CREB5: variants seen among roughly 807,000 people sequenced by gnomAD.
CREB5 encodes the protein cyclic AMP-responsive element-binding protein 5.
Under a neutral mutation model 57.1 loss-of-function variants are expected in CREB5, and 19 were observed. The observed-to-expected ratio is 0.33, with a 90% CI of 0.23 to 0.49. The LOEUF (loss-of-function observed/expected upper bound fraction) is 0.49. CREB5 is among the 20% of genes least tolerant of loss of function. The pLI, the probability that CREB5 is intolerant of heterozygous loss-of-function variation, is 0.99. For synonymous variants in CREB5, 238 were observed against 238.3 expected (o/e 1.00, Z 0.01); for missense variants, 579 against 671.6 (o/e 0.86, Z 1.52).
chr7:28,406,264 A>T (rs965568620), intron 1 of CREB5, among the ~76,000 whole-genome samples: 10 of 152,172 alleles, frequency 6.6e-5, no homozygotes, highest in African/African-American at 2.4e-4. Flanking sequence ...GGAGTTGGTA[A>T]ATACCTAGTG....
At chr7:28,409,637 G>A (rs1296586354), upstream of CREB5, 1 of 275,288 alleles carries the variant, frequency 3.6e-6, no homozygotes, top group Non-Finnish European at 7.2e-6. This position sits in a 1 kb window ranked among gnomAD's most constrained non-coding sequence, Gnocchi z 4.4. Flanking sequence ...ATCTGTGTTT[G>A]TAAACATTTT....
intron 6 of CREB5, 62 bp from the exon 7 acceptor site, chr7:28,724,160 C>T: frequency 7.1e-7 from 1 of 1,408,576 alleles, no homozygotes; most frequent in South Asian, 1.2e-5. Context: ...AAAAGTGCAG[C>T]TTTGTCTAAT....
intron 8 of CREB5, among the ~76,000 whole-genome samples, chr7:28,805,167 CAGACCAAGAGAA>C (rs1479924885): frequency 6.6e-6 from 1 of 152,180 alleles, no homozygotes; most frequent in Non-Finnish European, 1.5e-5. Context: ...TGTAGATGAT[CAGACCAAGAGAA>C]AGGCCAAATC....
intron 5 of CREB5, among the ~76,000 whole-genome samples, chr7:28,678,510 T>C (rs115680545): frequency 0.011 from 1,728 of 152,344 alleles, 31 homozygotes; most frequent in African/African-American, 0.04. Flanking sequence ...AGAGTCACTA[T>C]GATCATTTTA....
chr7:28,721,257 A>C (rs1219545534), intron 6 of CREB5, among the ~76,000 whole-genome samples: 1 of 152,196 alleles, frequency 6.6e-6, no homozygotes, highest in African/African-American at 2.4e-5. Context: ...AACATCCTAC[A>C]ATGCACAAGA....
chr7:28,654,085 A>G (rs1799241872), intron 5 of CREB5, among the ~76,000 whole-genome samples: 2 of 152,106 alleles, frequency 1.3e-5, no homozygotes, highest in Admixed American at 1.3e-4. Context: ...TATACATTAC[A>G]CCTGTGAAGT....
At chr7:28,640,515 T>G (rs1405623300) in intron 5 of CREB5, among the ~76,000 whole-genome samples, 5 of 152,228 alleles carry the variant, frequency 3.3e-5, no homozygotes, top group Non-Finnish European at 5.9e-5. Flanking sequence ...TTCTATCACA[T>G]GACTGCTTGC....
At chr7:28,528,999 C>A (rs1423204523) in intron 4 of CREB5, among the ~76,000 whole-genome samples, 1 of 152,128 alleles carries the variant, frequency 6.6e-6, no homozygotes, top group African/African-American at 2.4e-5. Flanking sequence ...TCCTCATAAC[C>A]AAGGAGACAC....
rs1046228459 is a variant in CREB5 at position 28,819,429 on chromosome 7, G to A, written c.*150G>A. 5 of 749,776 alleles carry A rather than the reference G, an allele frequency of 6.7e-6. No individual in the cohort carries two copies. The highest frequency in any genetic ancestry group is 1.0e-5 in the Non-Finnish European group (5 of 489,964). 46.4% of individuals were successfully genotyped at this position (749,776 alleles called of 1,614,324 possible). ...TTTTTATAGTTATTATGGAAATGTT[G>A]TCTTTTATACTTAGTTATATAAGAA... On this transcript the variant is annotated 3_prime_UTR_variant, in exon 11 of 11. Coordinates refer to ENST00000357727, the MANE Select transcript of CREB5 (RefSeq NM_182898.4).
At chr7:28,816,804 G>A (rs758995361) in intron 9 of CREB5, among the ~76,000 whole-genome samples, 33 of 152,200 alleles carry the variant, frequency 2.2e-4, no homozygotes, top group Admixed American at 7.2e-4. Flanking sequence ...CGTCCTTTTC[G>A]GTGTGCATGC....
chr7:28,548,095 G>A (rs1437402427), intron 4 of CREB5, among the ~76,000 whole-genome samples: 1 of 152,172 alleles, frequency 6.6e-6, no homozygotes, highest in Non-Finnish European at 1.5e-5. Flanking sequence ...GGTAAATTTT[G>A]TGACCAGGTA....
chr7:28,648,074 G>T (rs1345162068), intron 5 of CREB5, among the ~76,000 whole-genome samples: 4 of 152,150 alleles, frequency 2.6e-5, no homozygotes, highest in Non-Finnish European at 5.9e-5. Flanking sequence ...AGTTGGAAGG[G>T]ATATTTGAGA....
upstream of CREB5, chr7:28,410,470 AAGG>A (rs1229392568): frequency 4.4e-6 from 2 of 456,550 alleles, no homozygotes; most frequent in Non-Finnish European, 8.8e-6. Context: ...GGAAGGAACC[AAGG>A]AGATGTTTTC....
At chr7:28,539,738 C>T (rs1054406015) in intron 4 of CREB5, among the ~76,000 whole-genome samples, 2 of 152,130 alleles carry the variant, frequency 1.3e-5, no homozygotes, top group Non-Finnish European at 2.9e-5. Flanking sequence ...AGGCACAGTC[C>T]CTGAGGGCTG....
intron 1 of CREB5, among the ~76,000 whole-genome samples, chr7:28,348,485 A>T (rs574728788): frequency 7.2e-5 from 11 of 152,030 alleles, no homozygotes; most frequent in African/African-American, 2.7e-4. Context: ...AGATATGTCT[A>T]AAATGCTCAG....
In CREB5 at chr7:28,560,897, CGT is replaced by C. The variant is rs1334757992; in HGVS notation, c.292-9466_292-9465del. 3.7e-3 allele frequency among the ~76,000 whole-genome samples: 83 copies of C among 22,528 alleles called. 8 individuals carry two copies. The highest frequency in any genetic ancestry group is 7.0e-3 in the Admixed American group (14 of 2,000). The allele number at this position is 22,528 out of a possible 152,430, so 14.8% of individuals were successfully genotyped here. On this transcript the variant is annotated intron_variant, in intron 4 of 10. Coordinates refer to ENST00000357727, the MANE Select transcript of CREB5 (RefSeq NM_182898.4). Reference sequence around the variant, plus strand: ...GCGCGTGCGTGCGTGCGTGTGTGTGCGTGCGCGCGTGCGTGTGCGTGTGTGCG... The same window carrying C: ...GCGCGTGCGTGCGTGCGTGTGTGTGCGCGCGCGTGCGTGTGCGTGTGTGCG...
chr7:28,723,620 G>A (rs1339531670), intron 6 of CREB5, among the ~76,000 whole-genome samples: 1 of 152,148 alleles, frequency 6.6e-6, no homozygotes, highest in Non-Finnish European at 1.5e-5. Context: ...TGCCTGGCTG[G>A]ATCACAATGA....
At position 28,505,232 on chromosome 7, in the gene CREB5, G is replaced by A. The variant is rs116865966; in HGVS notation, c.170-2384G>A. 3.7e-4 allele frequency among the ~76,000 whole-genome samples: 56 copies of A among 152,036 alleles called. 1 individual carries two copies. In the East Asian group the frequency reaches 9.9e-3, roughly 27 times the overall value. ...CACACACACACATGCACACACGCACGCACACACGCACATACACCCTTTTAC... is the reference window on the plus strand; with the variant it reads ...CACACACACACATGCACACACGCACACACACACGCACATACACCCTTTTAC... On this transcript the variant is annotated intron_variant, in intron 3 of 10. Transcript: ENST00000357727.
Position 28,804,447 on chromosome 7 carries a change from T to C in CREB5, c.951T>C (p.His317=), listed in dbSNP as rs968050443. Residue 317 remains histidine (H), a synonymous_variant, in exon 8 of 11, where the codon CAT becomes CAC. Transcript: ENST00000357727. The stretch of plus-strand genomic sequence containing the variant: ...AGAACCATCCACATCACCACTCCCA[T>C]TCCCACCTTCATGCACACCCAGCAC... The part of the protein sequence containing the change: ...HQQNHPHHHS[H]SHLHAHPAHH... 2.5e-5 allele frequency: 40 copies of C among 1,613,812 alleles called. No homozygotes were observed. In the Admixed American group the frequency reaches 6.7e-4, roughly 27 times the overall value.
Sources: gnomAD v4.1 joint callset for allele counts (sites outside exome capture counted in the v4.1 genomes callset) on GRCh38, gnomAD v4.1.1 for gene constraint, Gnocchi (gnomAD v3.1) non-coding constraint, MANE v1.5 for transcripts, NCBI Gene and HGNC (gene_info 2026-07-23, HGNC 2026-07-21) for gene names.